The following JMJD1C variants were observed in gnomAD, a reference collection of about 807,000 sequenced individuals.
JMJD1C encodes jumonji domain-containing protein 1C.
JMJD1C carries 31 observed loss-of-function variants against 245.3 expected under a neutral mutation model. That is an observed-to-expected ratio of 0.13 (90% CI 0.09 to 0.17). JMJD1C has a LOEUF of 0.17. Ranked by LOEUF, JMJD1C falls within the 10% of genes least tolerant of loss-of-function variation. The pLI is 1.00. For synonymous variants in JMJD1C, 1,057 were observed against 1,017.4 expected (o/e 1.04, Z -0.74); for missense variants, 2,691 against 3,000.2 (o/e 0.90, Z 2.41).
intron 22 of JMJD1C, among the ~76,000 whole-genome samples, chr10:63,179,098 C>T (rs1225132630): frequency 1.3e-5 from 2 of 152,202 alleles, no homozygotes; most frequent in South Asian, 2.1e-4. Flanking sequence ...CTTAAGTGTC[C>T]ATCCACGGAT....
chr10:63,515,982 A>G (rs1955006122), intron 1 of JMJD1C, among the ~76,000 whole-genome samples: 1 of 152,100 alleles, frequency 6.6e-6, no homozygotes, highest in South Asian at 2.1e-4. Flanking sequence ...ATGGTTTCTG[A>G]TTTTACGACA....
chr10:63,222,825 C>T, intron 3 of JMJD1C: 1 of 1,438,786 alleles, frequency 7.0e-7, no homozygotes, highest in South Asian at 1.1e-5. Context: ...ACAGATGCAC[C>T]TTGGTGTGGA....
Position 63,478,189 on chromosome 10 carries a change from T to G in JMJD1C, n.113+43549A>C, listed in dbSNP as rs186486229. ...AACAATCAGAACTCTCATACAGTGC[T>G]GACTGGAAGTGACTGCCACTTTGCA... On this transcript the variant is annotated intron_variant and non_coding_transcript_variant, in intron 1 of 3. Coordinates refer to the JMJD1C transcript ENST00000633035. 6.8e-4 allele frequency among the ~76,000 whole-genome samples: 103 copies of G among 152,300 alleles called. 1 individual carries two copies. Among genetic ancestry groups the G allele is most frequent in the African/African-American group, 2.4e-3 (100 of 41,570 alleles).
chr10:63,520,979 C>G (rs1357727908), intron 1 of JMJD1C, among the ~76,000 whole-genome samples: 2 of 152,220 alleles, frequency 1.3e-5, no homozygotes, highest in African/African-American at 4.8e-5. Context: ...ACCTCAAAGT[C>G]TTGGCTCTCC....
At chr10:63,257,035 G>A (rs1329517226) in intron 3 of JMJD1C, among the ~76,000 whole-genome samples, 1 of 152,030 alleles carries the variant, frequency 6.6e-6, no homozygotes, top group Non-Finnish European at 1.5e-5. Flanking sequence ...AGGAGTTCGA[G>A]AACATCCTGG....
chr10:63,310,928 T>C (rs1467379902), intron 2 of JMJD1C, among the ~76,000 whole-genome samples: 1 of 151,988 alleles, frequency 6.6e-6, no homozygotes, highest in African/African-American at 2.4e-5. Context: ...ATTTGGGGGA[T>C]TTACAGCAAT....
intron 1 of JMJD1C, among the ~76,000 whole-genome samples, chr10:63,455,820 C>T (rs1279037880): frequency 6.6e-6 from 1 of 151,772 alleles, no homozygotes. Context: ...TTCCAAGACA[C>T]CAAAGAAAGC....
Position 63,191,216 on chromosome 10 carries a change from C to G in JMJD1C, c.6077-108G>C, listed in dbSNP as rs373647375. ...GCGTGACCTCGGCTCACTGCAACCT[C>G]TGCCTCCCAGGTTCAAGTGGTTCTC... On this transcript the variant is annotated intron_variant, in intron 16 of 25. Transcript: ENST00000399262. 1.0e-5 allele frequency: 8 copies of G among 767,320 alleles called. No individual in the cohort carries two copies. The African/African-American group carries it at 1.4e-4, about 13-fold the overall frequency. 47.5% of individuals were successfully genotyped at this position (767,320 alleles called of 1,614,324 possible).
chr10:63,464,171 A>T (rs1395279554), intron 1 of JMJD1C, among the ~76,000 whole-genome samples: 2 of 152,132 alleles, frequency 1.3e-5, no homozygotes, highest in Non-Finnish European at 2.9e-5. Flanking sequence ...AAGATTATAC[A>T]TTTCTATACG....
chr10:63,497,438 G>C (rs1480983642), intron 1 of JMJD1C, among the ~76,000 whole-genome samples: 3 of 152,284 alleles, frequency 2.0e-5, no homozygotes, highest in East Asian at 3.9e-4. Context: ...GAAATGTCCA[G>C]AACAGGCAAA....
rs906737338 is a variant in JMJD1C at position 63,344,563 on chromosome 10, C to G, written c.333+35755G>C. ...GAGTTCTTAGGTATGACACCAAAAT[C>G]TGACCCATGAAAGAAATAAAAACAT... On this transcript the variant is annotated intron_variant, in intron 2 of 25. Coordinates refer to ENST00000399262, the MANE Select transcript of JMJD1C (RefSeq NM_032776.3). 3.3e-5 allele frequency among the ~76,000 whole-genome samples: 5 copies of G among 152,128 alleles called. No homozygotes were observed. In the East Asian group the frequency reaches 9.6e-4, roughly 29 times the overall value.
At chr10:63,375,442 TAAAC>T (rs373999310) in intron 2 of JMJD1C, among the ~76,000 whole-genome samples, 10 of 151,936 alleles carry the variant, frequency 6.6e-5, no homozygotes, top group African/African-American at 2.4e-4. Context: ...GAAGATGAAA[TAAAC>T]AAAACTACAA....
chr10:63,466,224 G>C (rs916829455), upstream of JMJD1C: 2 of 170,292 alleles, frequency 1.2e-5, no homozygotes, highest in African/African-American at 4.8e-5. Flanking sequence ...GCTTTTGGGG[G>C]TCTACCTTTG....
intron 2 of JMJD1C, among the ~76,000 whole-genome samples, chr10:63,279,923 G>T (rs940628001): frequency 6.6e-6 from 1 of 152,042 alleles, no homozygotes; most frequent in Non-Finnish European, 1.5e-5. Flanking sequence ...GGCCGAAGTG[G>T]GTGATCACCT....
chr10:63,508,599 T>C (rs1428026825), intron 1 of JMJD1C, among the ~76,000 whole-genome samples: 1 of 152,242 alleles, frequency 6.6e-6, no homozygotes, highest in African/African-American at 2.4e-5. Flanking sequence ...ATGCTGTGTC[T>C]TCCTATCCAT....
At chr10:63,248,625 G>C (rs999967406) in intron 3 of JMJD1C, among the ~76,000 whole-genome samples, 5 of 152,242 alleles carry the variant, frequency 3.3e-5, no homozygotes, top group African/African-American at 1.2e-4. Flanking sequence ...CCTGTACGCT[G>C]TTGGTGGAAA....
intron 8 of JMJD1C, among the ~76,000 whole-genome samples, chr10:63,210,956 G>A (rs1847249325): frequency 1.3e-5 from 2 of 152,224 alleles, no homozygotes; most frequent in Admixed American, 1.3e-4. Flanking sequence ...TTCTGGAACT[G>A]AGATCTTGTC....
chr10:63,243,500 T>C (rs751301603), intron 3 of JMJD1C, among the ~76,000 whole-genome samples: 3 of 152,282 alleles, frequency 2.0e-5, no homozygotes, highest in Middle Eastern at 3.4e-3. Flanking sequence ...CACTCCAGCA[T>C]GGGCAAGAAG....
Position 63,252,368 on chromosome 10 carries a change from C to T in JMJD1C, c.447+12283G>A, listed in dbSNP as rs187787330. On this transcript the variant is annotated intron_variant, in intron 3 of 25. Coordinates refer to ENST00000399262, the MANE Select transcript of JMJD1C (RefSeq NM_032776.3). ...TTAAACCAGCAGACTCTGAGTAAAG[C>T]AGATTACCCCTAACACATGGATAGG... Among the ~76,000 whole-genome samples the T allele has an allele frequency of 4.2e-4, 64 of 152,284 alleles. No individual in the cohort carries two copies. The East Asian group carries it at 9.5e-3, about 23-fold the overall frequency.
Sources: allele counts gnomAD v4.1 joint callset (sites outside exome capture counted in the v4.1 genomes callset), GRCh38; gene constraint gnomAD v4.1.1; transcripts MANE v1.5; gene names NCBI Gene and HGNC (gene_info 2026-07-23, HGNC 2026-07-21).